NPDC1: variants seen among roughly 807,000 people sequenced by gnomAD.
The protein encoded by NPDC1 is neural proliferation differentiation and control protein 1.
Under a neutral mutation model 32.5 loss-of-function variants are expected in NPDC1, and 18 were observed. The observed-to-expected ratio is 0.55, with a 90% CI of 0.38 to 0.82. The LOEUF (loss-of-function observed/expected upper bound fraction) is 0.82, where lower values mean the gene tolerates loss of function less well. Among genes scored for constraint, NPDC1 ranks in the 40% least tolerant of loss-of-function variants. NPDC1 has a pLI of 0.00. For synonymous variants in NPDC1, 210 were observed against 184.7 expected, an observed-to-expected ratio of 1.14 and a Z score of -1.11; for missense variants, 468 against 406.6, an observed-to-expected ratio of 1.15 and a Z score of -1.30.
Position 137,041,093 on chromosome 9 carries a change from T to C in NPDC1, c.354A>G (p.Leu118=), listed in dbSNP as rs146222848. 1.5e-4 allele frequency: 230 copies of C among 1,528,702 alleles called. No individual in the cohort carries two copies. Among genetic ancestry groups the C allele is most frequent in the Non-Finnish European group, 1.9e-4 (216 of 1,140,724 alleles). 94.7% of individuals were successfully genotyped at this position (1,528,702 alleles called of 1,614,324 possible). A position where few individuals can be genotyped will look rare whatever the true frequency, so the allele number is the denominator to read the frequency against. ...RKESGHSTPP[L]PKDRQRLPEP... ...CCGGGAGCCGCTGTCGGTCCTTGGG[T>C]AGGGGCGGAGTTGAGTGTCCAGACT... Residue 118 remains leucine, a synonymous_variant, in exon 3 of 9, where the codon CTA becomes CTG. Transcript: ENST00000371601.
In NPDC1 at chr9:137,039,998, C is replaced by T. The variant is rs370852515; in HGVS notation, c.858G>A (p.Thr286=). 2.8e-5 allele frequency: 22 copies of T among 779,094 alleles called. No individual in the cohort carries two copies. The highest frequency in any genetic ancestry group is 2.5e-4 in the Admixed American group (15 of 59,002). The allele number at this position is 779,094 out of a possible 1,614,324, so 48.3% of individuals were successfully genotyped here. A position where few individuals can be genotyped will look rare whatever the true frequency, so the allele number is the denominator to read the frequency against. ...SDEENEDGDF[T]VYECPGLAPT... ...GGGCCAGGCCCGGGCACTCGTACAC[C>T]GTGAAGTCTCCGTCCTCATTCTCCT... Residue 286 remains threonine (T), a synonymous_variant, in exon 8 of 9, where the codon ACG becomes ACA. Coordinates refer to ENST00000371601, the MANE Select transcript of NPDC1 (RefSeq NM_015392.4).
intron 6 of NPDC1, 35 bp from the exon 7 acceptor site, chr9:137,040,471 C>G: frequency 6.4e-7 from 1 of 1,571,550 alleles, no homozygotes; most frequent in Non-Finnish European, 8.6e-7. Context: ...CAGTTGGCGG[C>G]CAGAGTTGGG....
chr9:137,043,581 C>CT, intron 1 of NPDC1: 1 of 575,008 alleles, frequency 1.7e-6, no homozygotes, highest in Non-Finnish European at 3.1e-6. Context: ...GGAAGGGATG[C>CT]TGCTCCTCCA....
In NPDC1 at chr9:137,040,958, GC is replaced by G; in HGVS notation, c.411del (p.Gln138ArgfsTer50). 1 of 1,545,904 alleles carries G rather than the reference GC, an allele frequency of 6.5e-7. No homozygotes were observed. Among genetic ancestry groups the G allele is most frequent in the Non-Finnish European group, 8.7e-7 (1 of 1,149,426 alleles). ...EPATLGFSAR[G>X]QGLELGLPST... ...GAGGGGAGGCCCAGCTCCAGCCCCT[GC>G]CCCCGTGCCGAGAAGCCCAGGGTGG... On this transcript the variant is annotated frameshift_variant, in exon 4 of 9. Coordinates refer to ENST00000371601, the MANE Select transcript of NPDC1 (RefSeq NM_015392.4). LOFTEE classifies it high-confidence loss of function.
chr9:137,041,021 C>T, intron 3 of NPDC1, 37 bp from the exon 4 acceptor site: 1 of 1,524,508 alleles, frequency 6.6e-7, no homozygotes, highest in Non-Finnish European at 8.8e-7. Context: ...GAGCACTGGG[C>T]TAGGGACAGG....
At chr9:137,042,151 G>A (rs1472219835) in intron 2 of NPDC1, among the ~76,000 whole-genome samples, 2 of 152,230 alleles carry the variant, frequency 1.3e-5, no homozygotes, top group African/African-American at 2.4e-5. Flanking sequence ...GGGAGGCTTC[G>A]TGGAGAGTGA....
chr9:137,043,287 A>G (rs1208951533), intron 1 of NPDC1: 9 of 721,606 alleles, frequency 1.2e-5, no homozygotes, highest in Non-Finnish European at 2.1e-5. Context: ...ACCCTGCCCC[A>G]CCCCTCCCCA....
intron 2 of NPDC1, among the ~76,000 whole-genome samples, chr9:137,042,275 G>A (rs1446071481): frequency 2.0e-5 from 3 of 151,820 alleles, no homozygotes; most frequent in Non-Finnish European, 2.9e-5. Flanking sequence ...TTTTTTTGAG[G>A]CGGAGTCTCG....
At position 137,040,981 on chromosome 9, in the gene NPDC1, G is replaced by A. The variant is rs765606597; in HGVS notation, c.389C>T (p.Thr130Ile). 46 of 1,536,450 alleles carry A rather than the reference G, an allele frequency of 3.0e-5. No homozygotes were observed. The highest frequency in any genetic ancestry group is 3.7e-5 in the Non-Finnish European group (42 of 1,144,440). Residue 130 changes from threonine (T) to isoleucine (I), a missense_variant, in exon 4 of 9, where the codon ACC (threonine) becomes ATC (isoleucine). Physicochemically the swap from Thr to Ile is moderately conservative, Grantham distance 89. Coordinates refer to ENST00000371601, the MANE Select transcript of NPDC1 (RefSeq NM_015392.4). ...KDRQRLPEPATLGFSARGQGL... is the reference protein window; with the variant it reads ...KDRQRLPEPAILGFSARGQGL... Reference sequence around the variant, plus strand: ...CTGCCCCCGTGCCGAGAAGCCCAGGGTGGCTGCGAGAGAGGACAGGTTAGA... The same window carrying A: ...CTGCCCCCGTGCCGAGAAGCCCAGGATGGCTGCGAGAGAGGACAGGTTAGA...
intron 1 of NPDC1, among the ~76,000 whole-genome samples, chr9:137,044,732 G>A (rs1401049765): frequency 1.3e-5 from 2 of 152,236 alleles, no homozygotes; most frequent in African/African-American, 2.4e-5. Context: ...CCGGTGAACT[G>A]AGGACTGGCA....
In NPDC1 at chr9:137,043,018, A is replaced by G. The variant is rs778341037; in HGVS notation, c.168T>C (p.Cys56=). 1.2e-6 allele frequency: 2 copies of G among 1,612,634 alleles called. No individual in the cohort carries two copies. Among genetic ancestry groups the G allele is most frequent in the South Asian group, 2.2e-5 (2 of 91,082 alleles). The change falls in exon 2 of 9, where the codon TGT becomes TGC. Residue 56 remains cysteine (C), a synonymous_variant. Coordinates refer to ENST00000371601, the MANE Select transcript of NPDC1 (RefSeq NM_015392.4). ...GCCCACAGGCATGTGCACCAGGAGG[A>G]CACCTTGCCCGCCTCTTCAGGGCAC... ...LDCALKRRAR[C]PPGAHACGPC...
In NPDC1 at chr9:137,039,812, G is replaced by A. The variant is rs764444990; in HGVS notation, c.938C>T (p.Ala313Val). 8 of 778,558 alleles carry A rather than the reference G, an allele frequency of 1.0e-5. No individual in the cohort carries two copies. The highest frequency in any genetic ancestry group is 5.1e-5 in the African/African-American group (3 of 59,138). 48.2% of individuals were successfully genotyped at this position (778,558 alleles called of 1,614,324 possible). ...CGGTGAGCTGGGGGCCGGCAGGGGC[G>A]CGGACAGTGCGGCGTGGTCGAACAG... ...NPLFDHAALS[A>V]PLPAPSSPPA... The change falls in exon 9 of 9, where the codon GCG becomes GTG. Residue 313 changes from alanine to valine, a missense_variant. Ala to Val is a moderately conservative substitution (Grantham distance 64). Coordinates refer to ENST00000371601, the MANE Select transcript of NPDC1 (RefSeq NM_015392.4).
intron 1 of NPDC1, among the ~76,000 whole-genome samples, chr9:137,045,578 C>T (rs1832118702): frequency 1.3e-5 from 2 of 152,198 alleles, no homozygotes; most frequent in South Asian, 4.1e-4. Context: ...CAGATGGCCG[C>T]GGCGCGGAGG....
intron 1 of NPDC1, chr9:137,043,719 A>G: frequency 3.4e-6 from 1 of 296,938 alleles, no homozygotes; most frequent in Non-Finnish European, 6.3e-6. Flanking sequence ...GTCAGGGGCC[A>G]GGTGGCACCC....
rs1447705004 is a variant in NPDC1 at position 137,040,478 on chromosome 9, T to G, written c.708+36A>C. 3 of 1,576,762 alleles carry G rather than the reference T, an allele frequency of 1.9e-6. No individual in the cohort carries two copies. In the African/African-American group the frequency reaches 4.1e-5, roughly 21 times the overall value. On this transcript the variant is annotated intron_variant, in intron 6 of 8. Coordinates refer to ENST00000371601, the MANE Select transcript of NPDC1 (RefSeq NM_015392.4). Reference sequence around the variant, plus strand: ...GCGAGGGTCAGTTGGCGGCCAGAGTTGGGCGGGAGCCTCAGGGCTGAAGGG... The same window carrying G: ...GCGAGGGTCAGTTGGCGGCCAGAGTGGGGCGGGAGCCTCAGGGCTGAAGGG...
At position 137,040,581 on chromosome 9, in the gene NPDC1, C is replaced by T. The variant is rs770325523; in HGVS notation, c.641G>A (p.Arg214His). Reference sequence around the variant, plus strand: ...GGCGTAGTCGGCCTTCTGAGTCAGGCGGATCTCACGCTGCAGCCTGTGGGG... The same window carrying T: ...GGCGTAGTCGGCCTTCTGAGTCAGGTGGATCTCACGCTGCAGCCTGTGGGG... ...LCWCRLQREI[R>H]LTQKADYATA... The change falls in exon 6 of 9, where the codon CGC becomes CAC. Residue 214 changes from arginine to histidine, a missense_variant. Arg to His is a conservative substitution (Grantham distance 29). Transcript: ENST00000371601. 4.7e-5 allele frequency: 74 copies of T among 1,574,460 alleles called. No homozygotes were observed. The highest frequency in any genetic ancestry group is 3.3e-4 in the Middle Eastern group (2 of 6,056).
At chr9:137,042,747 G>A (rs567154490) in intron 2 of NPDC1, 180 bp downstream of exon 2, 33 of 650,258 alleles carry the variant, frequency 5.1e-5, no homozygotes, top group Admixed American at 4.2e-4. Context: ...TAGTAGAGAC[G>A]GGGTTTCACC....
chr9:137,042,556 CTTCTTTT>C (rs1430040026), intron 2 of NPDC1, among the ~76,000 whole-genome samples: 1 of 121,288 alleles, frequency 8.2e-6, no homozygotes, highest in Non-Finnish European at 1.6e-5. Context: ...TGCTCCCGGC[CTTCTTTT>C]TTTTTTTTTT....
rs753048180 is a variant in NPDC1 at position 137,043,013 on chromosome 9, G to A, written c.173C>T (p.Pro58Leu). Residue 58 changes from proline to leucine, a missense_variant, in exon 2 of 9, where the codon CCT becomes CTT. Transcript: ENST00000371601. ...GCAGGGCCCACAGGCATGTGCACCA[G>A]GAGGACACCTTGCCCGCCTCTTCAG... ...CALKRRARCP[P>L]GAHACGPCLQ... is the part of the protein sequence containing the mutation. The A allele has an allele frequency of 2.0e-5, 32 of 1,612,686 alleles. No homozygotes were observed. Among genetic ancestry groups the A allele is most frequent in the Non-Finnish European group, 2.6e-5 (31 of 1,179,932 alleles).
Sources: allele counts gnomAD v4.1 joint callset (sites outside exome capture counted in the v4.1 genomes callset), GRCh38; gene constraint gnomAD v4.1.1; transcripts MANE v1.5; gene names NCBI Gene and HGNC (gene_info 2026-07-23, HGNC 2026-07-21).